FAM8A1: variants seen among roughly 807,000 people sequenced by gnomAD.
FAM8A1 encodes the protein family with sequence similarity 8 member A1.
FAM8A1 carries 18 observed loss-of-function variants against 38.3 expected under a neutral mutation model. The ratio of observed to expected loss-of-function variants is 0.47; its 90% CI spans 0.33 to 0.70. The LOEUF (loss-of-function observed/expected upper bound fraction) is 0.70, where lower values mean the gene tolerates loss of function less well. Among genes scored for constraint, FAM8A1 ranks in the 30% least tolerant of loss-of-function variants. The pLI is 0.03. For missense variants in FAM8A1, 559 were observed against 559.6 expected (o/e 1.00, Z 0.01); for synonymous variants, 246 against 234.4 (o/e 1.05, Z -0.45).
Position 17,600,835 on chromosome 6 carries a change from C to T in FAM8A1, c.426C>T (p.Cys142=), listed in dbSNP as rs1554133797. The T allele has an allele frequency of 1.2e-6, 2 of 1,610,340 alleles. No homozygotes were observed. The highest frequency in any genetic ancestry group is 4.5e-5 in the East Asian group (2 of 44,846). ...GCCTGGCCGCCTTCCCAGCCTACTG[C>T]AGCCCCCAGCCCTCCCCGCAGAGCT... The part of the protein sequence containing the change: ...HSGLAAFPAY[C]SPQPSPQSFP... The change falls in exon 1 of 5, where the codon TGC becomes TGT. Residue 142 remains cysteine (C), a synonymous_variant. Transcript: ENST00000259963.
Position 17,605,892 on chromosome 6 carries a change from G to A in FAM8A1, c.976G>A (p.Ala326Thr). The change falls in exon 4 of 5, where the codon GCA becomes ACA. Residue 326 changes from alanine to threonine, a missense_variant. Physicochemically the swap from Ala to Thr is moderately conservative, Grantham distance 58. Around this residue, in one of 2 missense-constraint regions of FAM8A1, gnomAD observed 166 missense variants for 220.8 expected, o/e 0.75. Transcript: ENST00000259963. The part of the protein sequence containing the change: ...CFYEIICIWG[A>T]GGATPGKFLL... Reference sequence around the variant, plus strand: ...TCCTTAGATAATTTGCATTTGGGGAGCAGGTGGAGCTACCCCAGGGAAGTT... The same window carrying A: ...TCCTTAGATAATTTGCATTTGGGGAACAGGTGGAGCTACCCCAGGGAAGTT... 1 of 1,530,662 alleles carries A rather than the reference G, an allele frequency of 6.5e-7. No individual in the cohort carries two copies. Among genetic ancestry groups the A allele is most frequent in the Admixed American group, 1.8e-5 (1 of 54,096 alleles). 94.8% of individuals were successfully genotyped at this position (1,530,662 alleles called of 1,614,324 possible). A position where few individuals can be genotyped will look rare whatever the true frequency, so the allele number is the denominator to read the frequency against.
At position 17,600,420 on chromosome 6, in the gene FAM8A1, G is replaced by C; in HGVS notation, c.11G>C (p.Gly4Ala). ...GCTGCTGAGGCGACGATGGCCGAGG[G>C]GCCCGAGGAAGCCCGAGGCCACCCT... MAE[G>A]PEEARGHPPG... is the part of the protein sequence containing the mutation. Residue 4 changes from glycine (G) to alanine (A), a missense_variant, in exon 1 of 5, where the codon GGG becomes GCG. Gly to Ala is a moderately conservative substitution (Grantham distance 60). Transcript: ENST00000259963. 9 of 1,427,658 alleles carry C rather than the reference G, an allele frequency of 6.3e-6. No individual in the cohort carries two copies. The highest frequency in any genetic ancestry group is 8.3e-6 in the Non-Finnish European group (9 of 1,090,484). 88.4% of individuals were successfully genotyped at this position (1,427,658 alleles called of 1,614,324 possible).
At position 17,610,682 on chromosome 6, in the gene FAM8A1, T is replaced by C. The variant is rs1581643497; in HGVS notation, c.*2343T>C. ...ATAGACCTGATTTTCTGTGTCAAAG[T>C]ATAATTCTCATGCTGAAGCTGTAGC... On this transcript the variant is annotated 3_prime_UTR_variant, in exon 5 of 5. Transcript: ENST00000259963. 1 of 152,140 alleles carries C rather than the reference T, an allele frequency of 6.6e-6. No homozygotes were observed. Among genetic ancestry groups the C allele is most frequent in the East Asian group, 1.9e-4 (1 of 5,190 alleles). 9.4% of individuals were successfully genotyped at this position (152,140 alleles called of 1,614,324 possible). A position where few individuals can be genotyped will look rare whatever the true frequency, so the allele number is the denominator to read the frequency against.
At chr6:17,602,459 C>T in intron 1 of FAM8A1, 131 bp from the exon 2 acceptor site, 1 of 833,574 alleles carries the variant, frequency 1.2e-6, no homozygotes, top group Non-Finnish European at 1.8e-6. Flanking sequence ...TCAATAGTTG[C>T]TGCACGGTTA....
Position 17,608,442 on chromosome 6 carries a change from T to G in FAM8A1, c.*103T>G, listed in dbSNP as rs1764088889. On this transcript the variant is annotated 3_prime_UTR_variant, in exon 5 of 5. Transcript: ENST00000259963. Reference sequence around the variant, plus strand: ...ATTGATGATTTAGAAATTAAAGCAGTCACTCCAGTGTGATGCAGGTGACTA... The same window carrying G: ...ATTGATGATTTAGAAATTAAAGCAGGCACTCCAGTGTGATGCAGGTGACTA... The G allele has an allele frequency of 7.4e-7, 1 of 1,350,558 alleles. No homozygotes were observed. Among genetic ancestry groups the G allele is most frequent in the Non-Finnish European group, 1.0e-6 (1 of 999,280 alleles). 83.7% of individuals were successfully genotyped at this position (1,350,558 alleles called of 1,614,324 possible).
Position 17,608,603 on chromosome 6 carries a change from A to C in FAM8A1, c.*264A>C, listed in dbSNP as rs1272250839. ...AATGGACAATATATACTTTCTTAAG[A>C]TCTAAGGTACTTTCTTAAGATCTAA... On this transcript the variant is annotated 3_prime_UTR_variant, in exon 5 of 5. Transcript: ENST00000259963. The C allele has an allele frequency of 4.4e-6, 1 of 226,160 alleles. No homozygotes were observed. Among genetic ancestry groups the C allele is most frequent in the African/African-American group, 2.7e-5 (1 of 36,696 alleles). 14.0% of individuals were successfully genotyped at this position (226,160 alleles called of 1,614,324 possible).
intron 2 of FAM8A1, among the ~76,000 whole-genome samples, chr6:17,603,980 TTTTA>T (rs1239565864): frequency 1.3e-5 from 2 of 152,142 alleles, no homozygotes; most frequent in African/African-American, 4.8e-5. Flanking sequence ...CAGTCTCCTG[TTTTA>T]TCTCAATCCA....
chr6:17,600,909 C>T lies in FAM8A1; in HGVS notation c.500C>T (p.Pro167Leu), dbSNP rs1398979592. 6.3e-7 allele frequency: 1 copy of T among 1,589,020 alleles called. No homozygotes were observed. The highest frequency in any genetic ancestry group is 1.8e-5 in the Admixed American group (1 of 56,424). The change falls in exon 1 of 5, where the codon CCG becomes CTG. Residue 167 changes from proline to leucine, a missense_variant. Around this residue, in one of 2 missense-constraint regions of FAM8A1, gnomAD observed 393 missense variants for 338.9 expected, o/e 1.16. Coordinates refer to ENST00000259963, the MANE Select transcript of FAM8A1 (RefSeq NM_016255.3). ...CCCCAGGCCGCGGCGCCGCCGCCCC[C>T]GCAGCTGGGCTATTACAACCCCTTC... Reference protein sequence around the residue: ...AVPQAAAPPPPQLGYYNPFYF... With the variant: ...AVPQAAAPPPLQLGYYNPFYF...
chr6:17,606,051 A>G, intron 4 of FAM8A1, 38 bp downstream of exon 4: 1 of 1,428,168 alleles, frequency 7.0e-7, no homozygotes, highest in Non-Finnish European at 9.3e-7. Context: ...TACATACTTA[A>G]TGAAAATAAT....
chr6:17,606,181 A>G (rs1764050702), intron 4 of FAM8A1, among the ~76,000 whole-genome samples, 168 bp downstream of exon 4: 1 of 150,668 alleles, frequency 6.6e-6, no homozygotes, highest in South Asian at 2.1e-4. Context: ...CTTTTACAGT[A>G]CACATTTTCA....
chr6:17,606,713 C>T (rs1460649287), intron 4 of FAM8A1, among the ~76,000 whole-genome samples: 1 of 152,110 alleles, frequency 6.6e-6, no homozygotes, highest in Non-Finnish European at 1.5e-5. Flanking sequence ...ATTCGTGCAT[C>T]CTTCTCCTGC....
In FAM8A1 at chr6:17,610,516, C is replaced by T. The variant is rs1372092621; in HGVS notation, c.*2177C>T. 10 of 152,006 alleles carry T rather than the reference C, an allele frequency of 6.6e-5. No homozygotes were observed. 9.4% of individuals were successfully genotyped at this position (152,006 alleles called of 1,614,324 possible). On this transcript the variant is annotated 3_prime_UTR_variant, in exon 5 of 5. Transcript: ENST00000259963. ...TCAATTTATGAATTCAGTATTTGCACCGAGATTTTGATTCCCAAAGTTTGG... is the reference window on the plus strand; with the variant it reads ...TCAATTTATGAATTCAGTATTTGCATCGAGATTTTGATTCCCAAAGTTTGG...
chr6:17,605,944 G>A lies in FAM8A1; in HGVS notation c.1028G>A (p.Cys343Tyr). ...CTGCTGGGGCTTCGAGTTGTGACAT[G>A]TGATACATCAGTGCTTATTGCACCA... ...KFLLGLRVVT[C>Y]DTSVLIAPSR... The change falls in exon 4 of 5, where the codon TGT becomes TAT. Residue 343 changes from cysteine (C) to tyrosine (Y), a missense_variant. Coordinates refer to ENST00000259963, the MANE Select transcript of FAM8A1 (RefSeq NM_016255.3). The A allele has an allele frequency of 1.9e-6, 3 of 1,590,348 alleles. No individual in the cohort carries two copies. The highest frequency in any genetic ancestry group is 2.6e-6 in the Non-Finnish European group (3 of 1,164,112).
chr6:17,601,840 TA>T lies in FAM8A1; in HGVS notation c.712+725del, dbSNP rs202246121. Reference sequence around the variant, plus strand: ...TTATTTTAAAGAAAGCAAAACAAACTAAAAAACGGGTGGGGGGGGATTACAG... The same window carrying T: ...TTATTTTAAAGAAAGCAAAACAAACTAAAAACGGGTGGGGGGGGATTACAG... On this transcript the variant is annotated intron_variant, in intron 1 of 4. Coordinates refer to ENST00000259963, the MANE Select transcript of FAM8A1 (RefSeq NM_016255.3). Among the ~76,000 whole-genome samples, 1,407 of 147,226 alleles carry T rather than the reference TA, an allele frequency of 9.6e-3. 12 individuals are homozygous for T. The highest frequency in any genetic ancestry group is 0.015 in the Non-Finnish European group (989 of 67,526).
chr6:17,608,213 G>T lies in FAM8A1; in HGVS notation c.1116G>T (p.Leu372Phe). 1 of 1,613,660 alleles carries T rather than the reference G, an allele frequency of 6.2e-7. No individual in the cohort carries two copies. Among genetic ancestry groups the T allele is most frequent in the South Asian group, 1.1e-5 (1 of 91,026 alleles). ...VSITTSTIRALIKNFSIASFF... is the reference protein window; with the variant it reads ...VSITTSTIRAFIKNFSIASFF... ...TTTTTAGGTCCACTATCCGAGCTTT[G>T]ATCAAGAATTTTTCAATTGCTTCTT... is the stretch of plus-strand genomic sequence containing the variant. The change falls in exon 5 of 5, where the codon TTG becomes TTT. Residue 372 changes from leucine to phenylalanine, a missense_variant. Leu to Phe is a conservative substitution (Grantham distance 22, BLOSUM62 0). This residue lies in a region of FAM8A1 where 166 missense variants were observed against 220.8 expected (regional missense o/e 0.75). Coordinates refer to ENST00000259963, the MANE Select transcript of FAM8A1 (RefSeq NM_016255.3).
chr6:17,602,358 G>A (rs964390268), intron 1 of FAM8A1, among the ~76,000 whole-genome samples: 1 of 152,050 alleles, frequency 6.6e-6, no homozygotes, highest in Non-Finnish European at 1.5e-5. Flanking sequence ...ATTTTTAAAC[G>A]TTAAGGTGAT....
chr6:17,604,333 C>G (rs1285491318), intron 2 of FAM8A1, among the ~76,000 whole-genome samples: 1 of 152,110 alleles, frequency 6.6e-6, no homozygotes, highest in Non-Finnish European at 1.5e-5. Flanking sequence ...CACACCCTGC[C>G]TTTATTTCTT....
At chr6:17,602,135 G>A (rs1248731402) in intron 1 of FAM8A1, among the ~76,000 whole-genome samples, 1 of 152,142 alleles carries the variant, frequency 6.6e-6, no homozygotes, top group African/African-American at 2.4e-5. Flanking sequence ...GGTTCAAGCC[G>A]TCCTGCCACC....
chr6:17,600,753 G>A lies in FAM8A1; in HGVS notation c.344G>A (p.Arg115Gln), dbSNP rs372704387. 2.6e-6 allele frequency: 4 copies of A among 1,561,508 alleles called. No individual in the cohort carries two copies. The highest frequency in any genetic ancestry group is 1.8e-5 in the Admixed American group (1 of 54,334). ...CGGCTGAGCGCCCGCGAGTACTCCC[G>A]GCAAGTGCACGAGTGGCTGTGGCAG... is the stretch of plus-strand genomic sequence containing the variant. ...PARLSAREYSRQVHEWLWQSY... is the reference protein window; with the variant it reads ...PARLSAREYSQQVHEWLWQSY... Residue 115 changes from arginine (R) to glutamine (Q), a missense_variant, in exon 1 of 5, where the codon CGG (arginine) becomes CAG (glutamine). By Grantham distance (43) the Arg-to-Gln change is conservative (BLOSUM62 1). Transcript: ENST00000259963.
Sources: allele counts gnomAD v4.1 joint callset (sites outside exome capture counted in the v4.1 genomes callset), GRCh38; gene constraint gnomAD v4.1.1; regional missense constraint gnomAD v4.1.1; transcripts MANE v1.5; gene names NCBI Gene and HGNC (gene_info 2026-07-23, HGNC 2026-07-21).